SMAD1: variants seen among roughly 807,000 people sequenced by gnomAD.
SMAD1 encodes the protein SMAD family member 1, also known as MAD, mothers against decapentaplegic homolog 1.
In SMAD1, 6 loss-of-function variants were observed where a neutral mutation model predicts 41.6. The ratio of observed to expected loss-of-function variants is 0.14; its 90% CI spans 0.08 to 0.28. The LOEUF (loss-of-function observed/expected upper bound fraction) is 0.28, where lower values mean the gene tolerates loss of function less well. Among genes scored for constraint, SMAD1 ranks in the 10% least tolerant of loss-of-function variants. The pLI is 1.00. For missense variants in SMAD1, 379 were observed against 582.6 expected (o/e 0.65, Z 3.60); for synonymous variants, 206 against 203.2 (o/e 1.01, Z -0.12).
At chr4:145,539,552 T>C (rs964280634) in intron 2 of SMAD1, among the ~76,000 whole-genome samples, 1 of 152,202 alleles carries the variant, frequency 6.6e-6, no homozygotes, top group Non-Finnish European at 1.5e-5. Context: ...TTGCCAACTT[T>C]CCTTGGGCAA....
intron 1 of SMAD1, among the ~76,000 whole-genome samples, chr4:145,512,572 A>G (rs1032566505): frequency 6.6e-6 from 1 of 151,986 alleles, no homozygotes; most frequent in Non-Finnish European, 1.5e-5. Context: ...TAGAATTTTT[A>G]TTTCATTCTT....
chr4:145,516,648 T>C (rs1410382984), intron 2 of SMAD1, among the ~76,000 whole-genome samples: 1 of 152,238 alleles, frequency 6.6e-6, no homozygotes, highest in Non-Finnish European at 1.5e-5. Flanking sequence ...CTGCTTGTTA[T>C]ATCAGCTGTG....
intron 1 of SMAD1, among the ~76,000 whole-genome samples, chr4:145,504,664 T>C (rs1001261363): frequency 2.0e-5 from 3 of 152,188 alleles, no homozygotes; most frequent in African/African-American, 7.2e-5. Context: ...GCTGGGCCAT[T>C]GTCTCATGTG....
Position 145,482,690 on chromosome 4 carries a change from C to T in SMAD1, c.-177+652C>T, listed in dbSNP as rs1728258197. ...TCAAGGAAAGTTCGCACCGAGATCC[C>T]CTCTAATTTATTCAAAGGTTTGGCG... On this transcript the variant is annotated intron_variant, in intron 1 of 6. Coordinates refer to ENST00000302085, the MANE Select transcript of SMAD1 (RefSeq NM_005900.3). This position sits in a 1 kb window ranked among gnomAD's most constrained non-coding sequence, Gnocchi z 4.2. 2.0e-5 allele frequency: 3 copies of T among 152,178 alleles called. No homozygotes were observed. Among genetic ancestry groups the T allele is most frequent in the Admixed American group, 6.5e-5 (1 of 15,276 alleles). The allele number at this position is 152,178 out of a possible 1,614,324, so 9.4% of individuals were successfully genotyped here.
At chr4:145,490,366 AC>A (rs1728707724) in intron 1 of SMAD1, among the ~76,000 whole-genome samples, 2 of 152,182 alleles carry the variant, frequency 1.3e-5, no homozygotes, top group African/African-American at 4.8e-5. Context: ...AAGTCCTTTC[AC>A]TGGGATGGTG....
At chr4:145,499,622 A>G (rs938337629) in intron 1 of SMAD1, among the ~76,000 whole-genome samples, 3 of 152,184 alleles carry the variant, frequency 2.0e-5, no homozygotes, top group Non-Finnish European at 4.4e-5. Context: ...CTCAAGAAAA[A>G]AAGAAAAATT....
chr4:145,534,856 G>C (rs1261479108), intron 2 of SMAD1, among the ~76,000 whole-genome samples: 1 of 152,180 alleles, frequency 6.6e-6, no homozygotes, highest in Non-Finnish European at 1.5e-5. Flanking sequence ...TATAGGAGAA[G>C]GCTTTCTAGG....
At chr4:145,481,240 G>A (rs1728158738), upstream of SMAD1, 1 of 152,116 alleles carries the variant, frequency 6.6e-6, no homozygotes, top group South Asian at 2.1e-4. Flanking sequence ...TGGATCCTGA[G>A]TTGACACAAA....
intron 1 of SMAD1, among the ~76,000 whole-genome samples, chr4:145,491,792 T>C (rs760708523): frequency 1.5e-4 from 23 of 152,288 alleles, no homozygotes; most frequent in Non-Finnish European, 3.1e-4. Flanking sequence ...CTGGCGTAGA[T>C]GATGAACCTT....
intron 2 of SMAD1, among the ~76,000 whole-genome samples, chr4:145,528,547 G>A (rs1731158998): frequency 6.6e-6 from 1 of 152,316 alleles, no homozygotes; most frequent in South Asian, 2.1e-4. Context: ...TGACCATAAT[G>A]TTCTTTATTA....
At chr4:145,540,625 CAATT>C (rs1332581782) in intron 3 of SMAD1, among the ~76,000 whole-genome samples, 1 of 151,516 alleles carries the variant, frequency 6.6e-6, no homozygotes, top group East Asian at 1.9e-4. Flanking sequence ...AGACAAAAAA[CAATT>C]ATCCTCTTTT....
At chr4:145,515,091 C>A in intron 2 of SMAD1, 78 bp downstream of exon 2, 1 of 1,350,174 alleles carries the variant, frequency 7.4e-7, no homozygotes, top group Non-Finnish European at 1.0e-6. Flanking sequence ...GAAAATAATC[C>A]CTTTGCTTGT....
At chr4:145,541,181 G>A (rs965295463) in intron 3 of SMAD1, among the ~76,000 whole-genome samples, 1 of 152,114 alleles carries the variant, frequency 6.6e-6, no homozygotes, top group Non-Finnish European at 1.5e-5. Flanking sequence ...AGACTTTTGA[G>A]CAGTGGCAGC....
intron 3 of SMAD1, among the ~76,000 whole-genome samples, 194 bp from the exon 4 acceptor site, chr4:145,542,388 T>C (rs1731994743): frequency 6.6e-6 from 1 of 152,256 alleles, no homozygotes; most frequent in East Asian, 1.9e-4. Context: ...TTCACAAAAA[T>C]GTATATGATT....
intron 2 of SMAD1, among the ~76,000 whole-genome samples, chr4:145,537,416 A>G (rs941234575): frequency 1.8e-4 from 27 of 152,284 alleles, no homozygotes; most frequent in African/African-American, 6.5e-4. Context: ...GATGTTAAAA[A>G]TTGGTGAATC....
intron 2 of SMAD1, 45 bp downstream of exon 2, chr4:145,515,058 C>T: frequency 6.6e-7 from 1 of 1,522,478 alleles, no homozygotes; most frequent in Non-Finnish European, 8.9e-7. Flanking sequence ...TGCCCAGTAC[C>T]AGATTTGTGT....
intron 4 of SMAD1, 147 bp from the exon 5 acceptor site, chr4:145,546,556 C>T: frequency 1.5e-6 from 1 of 658,854 alleles, no homozygotes; most frequent in South Asian, 1.8e-5. Context: ...CTGCTTTAAA[C>T]ATCATAGAAA....
chr4:145,512,825 T>C (rs1730158326), intron 1 of SMAD1, among the ~76,000 whole-genome samples: 1 of 152,210 alleles, frequency 6.6e-6, no homozygotes, highest in African/African-American at 2.4e-5. Flanking sequence ...AAGGTTGATG[T>C]TGTCTTCCTC....
In SMAD1 at chr4:145,542,417, T is replaced by A. The variant is rs1306705969; in HGVS notation, c.659-165T>A. ...TATGATTGTGGCATGGTTAATACTT[T>A]TCAGAAATTGTACATCAAGGCAGTG... On this transcript the variant is annotated intron_variant, in intron 3 of 6. Transcript: ENST00000302085. Among the ~76,000 whole-genome samples the A allele has an allele frequency of 3.3e-5, 5 of 152,382 alleles. No individual in the cohort carries two copies. The East Asian group carries it at 9.6e-4, about 29-fold the overall frequency.
Sources: allele counts gnomAD v4.1 joint callset (sites outside exome capture counted in the v4.1 genomes callset), GRCh38; gene constraint gnomAD v4.1.1; non-coding constraint Gnocchi (gnomAD v3.1); transcripts MANE v1.5; gene names NCBI Gene and HGNC (gene_info 2026-07-23, HGNC 2026-07-21).